The following PKD2L1 variants were observed in gnomAD, a reference collection of about 807,000 sequenced individuals.
The protein encoded by PKD2L1 is polycystin-2-like protein 1.
Under a neutral mutation model 93.0 loss-of-function variants are expected in PKD2L1, and 77 were observed. The ratio of observed to expected loss-of-function variants is 0.83; its 90% CI spans 0.69 to 1.00. The LOEUF is 1.00. Among genes scored for constraint, PKD2L1 ranks in the 50% least tolerant of loss-of-function variants. The pLI is 0.00. For missense variants in PKD2L1, 977 were observed against 990.9 expected, an observed-to-expected ratio of 0.99 and a Z score of 0.19; for synonymous variants, 390 against 388.0, an observed-to-expected ratio of 1.01 and a Z score of -0.06.
rs774137693 is a variant in PKD2L1 at position 100,297,025 on chromosome 10, G to A, written c.1140C>T (p.Arg380=). The A allele has an allele frequency of 3.1e-6, 5 of 1,614,104 alleles. No individual in the cohort carries two copies. The South Asian group carries it at 5.5e-5, about 18-fold the overall frequency. Residue 380 remains arginine (R), a synonymous_variant, in exon 6 of 16, where the codon CGC becomes CGT. Transcript: ENST00000318222. ...GTATGTTCCAGATGCTGCTGAGGTA[G>A]CGAAGCCGGTGAATGTGGAGCTCCA... ...EILELHIHRL[R]YLSSIWNILD... is the part of the protein sequence containing the mutation.
At position 100,291,343 on chromosome 10, in the gene PKD2L1, C is replaced by T; in HGVS notation, c.1965G>A (p.Glu655=). Residue 655 remains glutamate (E), a synonymous_variant, in exon 12 of 16, where the codon GAG becomes GAA. Coordinates refer to ENST00000318222, the MANE Select transcript of PKD2L1 (RefSeq NM_016112.3). ...FDRDGNRILD[E]KEQEKMRQDL... ...CCTGTCGCATTTTTTCCTGTTCCTT[C>T]TCATCCAGAATACGATTCCCATCTC... 1 of 1,614,130 alleles carries T rather than the reference C, an allele frequency of 6.2e-7. No individual in the cohort carries two copies. Among genetic ancestry groups the T allele is most frequent in the East Asian group, 2.2e-5 (1 of 44,882 alleles).
chr10:100,289,277 C>T (rs283744), intron 14 of PKD2L1, among the ~76,000 whole-genome samples: 17 of 152,292 alleles, frequency 1.1e-4, no homozygotes, highest in South Asian at 2.1e-4. Flanking sequence ...AGTGGGCTCA[C>T]GCCTGTAATT....
At chr10:100,327,191 C>T (rs1353400778) in intron 2 of PKD2L1, among the ~76,000 whole-genome samples, 1 of 152,194 alleles carries the variant, frequency 6.6e-6, no homozygotes, top group Non-Finnish European at 1.5e-5. Context: ...TGGGTTGCCT[C>T]ATGAAACAGT....
chr10:100,328,749 C>G (rs1849434665), intron 2 of PKD2L1, among the ~76,000 whole-genome samples: 1 of 152,080 alleles, frequency 6.6e-6, no homozygotes, highest in African/African-American at 2.4e-5. Context: ...ACCTGCCACC[C>G]AGCTAATTTT....
chr10:100,297,318 C>T (rs1257868377), intron 5 of PKD2L1, 64 bp downstream of exon 5: 4 of 1,548,038 alleles, frequency 2.6e-6, no homozygotes, highest in Non-Finnish European at 3.6e-6. Context: ...GGAAGGGTCT[C>T]ATGCACAAGA....
chr10:100,311,543 T>G (rs1443780909), intron 2 of PKD2L1, among the ~76,000 whole-genome samples: 1 of 152,248 alleles, frequency 6.6e-6, no homozygotes, highest in Non-Finnish European at 1.5e-5. Flanking sequence ...TCTTTTGAAC[T>G]GCTGGAAGAC....
chr10:100,316,771 T>G (rs1849109532), intron 2 of PKD2L1, among the ~76,000 whole-genome samples: 1 of 152,180 alleles, frequency 6.6e-6, no homozygotes, highest in Admixed American at 6.5e-5. Flanking sequence ...TTGGGTTATA[T>G]CTATCAATCA....
At chr10:100,307,883 G>A (rs539199871) in intron 2 of PKD2L1, among the ~76,000 whole-genome samples, 1 of 152,300 alleles carries the variant, frequency 6.6e-6, no homozygotes, top group East Asian at 1.9e-4. Flanking sequence ...TACAGTAAAA[G>A]AGTGGAATTG....
chr10:100,299,543 A>G, intron 3 of PKD2L1, 48 bp downstream of exon 3: 3 of 1,570,132 alleles, frequency 1.9e-6, no homozygotes, highest in South Asian at 1.1e-5. Flanking sequence ...CTGTGGCCTC[A>G]GGCCATTGAG....
chr10:100,321,981 G>A lies in PKD2L1; in HGVS notation c.349+7230C>T, dbSNP rs142290210. Among the ~76,000 whole-genome samples, 1,258 of 150,822 alleles carry A rather than the reference G, an allele frequency of 8.3e-3. 23 individuals carry two copies. Among genetic ancestry groups the A allele is most frequent in the African/African-American group, 0.029 (1,188 of 40,532 alleles). On this transcript the variant is annotated intron_variant, in intron 2 of 15. Transcript: ENST00000318222. ...TGAGAGGCCAGGCACAGTGGCTCAC[G>A]CCTGTAATCCTAGCACTTTGGAAGG...
chr10:100,324,843 T>C (rs1849341875), intron 2 of PKD2L1, among the ~76,000 whole-genome samples: 1 of 152,202 alleles, frequency 6.6e-6, no homozygotes, highest in South Asian at 2.1e-4. Context: ...CCTGGAGCAT[T>C]TGAACCCGGT....
chr10:100,324,963 C>G (rs1849345344), intron 2 of PKD2L1, among the ~76,000 whole-genome samples: 1 of 152,206 alleles, frequency 6.6e-6, no homozygotes, highest in African/African-American at 2.4e-5. Flanking sequence ...AGCCACCCCG[C>G]TTGGTGCCAG....
At position 100,296,108 on chromosome 10, in the gene PKD2L1, G is replaced by A. The variant is rs1456600925; in HGVS notation, c.1356+14C>T. ...GCGCCTTGAAGCAAAGCTGGGTGTG[G>A]GAATCCCAGGTACCTTGATCCAGGC... On this transcript the variant is annotated intron_variant, in intron 7 of 15. Coordinates refer to ENST00000318222, the MANE Select transcript of PKD2L1 (RefSeq NM_016112.3). The A allele has an allele frequency of 1.3e-6, 2 of 1,598,186 alleles. No individual in the cohort carries two copies. Among genetic ancestry groups the A allele is most frequent in the Non-Finnish European group, 1.7e-6 (2 of 1,172,882 alleles).
chr10:100,301,455 C>A (rs1421798871), intron 2 of PKD2L1, among the ~76,000 whole-genome samples: 1 of 49,696 alleles, frequency 2.0e-5, no homozygotes, highest in South Asian at 5.4e-4. Flanking sequence ...ATTTTAGAGG[C>A]CCCCCCCCCG....
Position 100,297,171 on chromosome 10 carries a change from GGATGGCACCTCCTGTAGCTGGAAAC to G in PKD2L1, c.969_993del (p.Glu323AspfsTer11). On this transcript the variant is annotated frameshift_variant, in exon 6 of 16. Transcript: ENST00000318222. LOFTEE classifies it high-confidence loss of function. ...TTGACTGTGCGGATTTGCCAGGATG[GGATGGCACCTCCTGTAGCTGGAAAC>G]TCCACCACCAGCCTATAGGGGGAGG... The G allele has an allele frequency of 6.2e-7, 1 of 1,614,072 alleles. No homozygotes were observed. Among genetic ancestry groups the G allele is most frequent in the Non-Finnish European group, 8.5e-7 (1 of 1,180,032 alleles).
chr10:100,316,643 A>G (rs1336364816), intron 2 of PKD2L1, among the ~76,000 whole-genome samples: 1 of 152,218 alleles, frequency 6.6e-6, no homozygotes, highest in Non-Finnish European at 1.5e-5. Context: ...CATGCTATGA[A>G]ATAATCTAAT....
intron 2 of PKD2L1, among the ~76,000 whole-genome samples, chr10:100,301,447 T>C (rs2134386876): frequency 7.2e-6 from 1 of 138,514 alleles, no homozygotes; most frequent in African/African-American, 2.7e-5. Context: ...GAGCAGCCAT[T>C]TTAGAGGCCC....
chr10:100,297,286 C>G (rs1177733046), intron 5 of PKD2L1, 78 bp from the exon 6 acceptor site: 1 of 1,541,510 alleles, frequency 6.5e-7, no homozygotes, highest in Admixed American at 1.7e-5. Flanking sequence ...CTCTCCACCC[C>G]CACCACAGGG....
At chr10:100,311,182 T>C (rs1267868401) in intron 2 of PKD2L1, among the ~76,000 whole-genome samples, 2 of 152,234 alleles carry the variant, frequency 1.3e-5, no homozygotes, top group South Asian at 2.1e-4. Flanking sequence ...ATGAAACCTA[T>C]TTGAGTTTTC....
Sources: allele counts gnomAD v4.1 joint callset (sites outside exome capture counted in the v4.1 genomes callset), GRCh38; gene constraint gnomAD v4.1.1; transcripts MANE v1.5; gene names NCBI Gene and HGNC (gene_info 2026-07-23, HGNC 2026-07-21).